KAT2B: variants seen among roughly 807,000 people sequenced by gnomAD.
KAT2B encodes histone acetyltransferase KAT2B.
A neutral mutation model predicts 105.9 loss-of-function variants in KAT2B; 36 were observed. That is an observed-to-expected ratio of 0.34 (90% CI 0.26 to 0.45). KAT2B has a LOEUF of 0.45. Among genes scored for constraint, KAT2B ranks in the 20% least tolerant of loss-of-function variants. The pLI, the probability that KAT2B is intolerant of heterozygous loss-of-function variation, is 1.00. For synonymous variants in KAT2B, 397 were observed against 377.9 expected (o/e 1.05, Z -0.59); for missense variants, 820 against 1,021.6 (o/e 0.80, Z 2.69).
At position 20,152,645 on chromosome 3, in the gene KAT2B, G is replaced by A; in HGVS notation, c.*120G>A. ...AAGAGACTTGTAAATGTAATAATTA[G>A]CACTTTTGAAAAAACAAAAAACCTC... is the stretch of plus-strand genomic sequence containing the variant. On this transcript the variant is annotated 3_prime_UTR_variant, in exon 18 of 18. Transcript: ENST00000263754. 1 of 724,924 alleles carries A rather than the reference G, an allele frequency of 1.4e-6. No individual in the cohort carries two copies. Among genetic ancestry groups the A allele is most frequent in the Non-Finnish European group, 2.1e-6 (1 of 468,148 alleles). The allele number at this position is 724,924 out of a possible 1,614,324, so 44.9% of individuals were successfully genotyped here.
intron 2 of KAT2B, among the ~76,000 whole-genome samples, chr3:20,077,618 GATA>G (rs1423327505): frequency 1.3e-5 from 2 of 152,156 alleles, no homozygotes; most frequent in South Asian, 2.1e-4. Flanking sequence ...ATGTTGAAAT[GATA>G]ATATTTTGAA....
rs984377382 is a variant in KAT2B, at chr3:20,070,999, A to G, written c.304-1334A>G. The stretch of plus-strand genomic sequence containing the variant: ...ACTCCAGCCTGGGCAACACAGAGAG[A>G]CTCTGTATATAAAAAAAAAAAAACC... On this transcript the variant is annotated intron_variant, in intron 1 of 17. Transcript: ENST00000263754. Among the ~76,000 whole-genome samples, 5 of 135,488 alleles carry G rather than the reference A, an allele frequency of 3.7e-5. No individual in the cohort carries two copies. The East Asian group carries it at 1.1e-3, about 29-fold the overall frequency. The allele number at this position is 135,488 out of a possible 152,430, so 88.9% of individuals were successfully genotyped here. A position where few individuals can be genotyped will look rare whatever the true frequency, so the allele number is the denominator to read the frequency against.
intron 3 of KAT2B, among the ~76,000 whole-genome samples, chr3:20,097,784 C>G (rs886703888): frequency 6.6e-6 from 1 of 152,094 alleles, no homozygotes; most frequent in Non-Finnish European, 1.5e-5. Flanking sequence ...TGATCTCCCC[C>G]CTCGGCCTTC....
chr3:20,142,727 G>A (rs1019037399), intron 13 of KAT2B, among the ~76,000 whole-genome samples: 1 of 145,578 alleles, frequency 6.9e-6, no homozygotes, highest in Admixed American at 6.8e-5. Context: ...GAACTGGGCA[G>A]CCTGGTGATG....
chr3:20,110,949 A>C (rs528041810), intron 5 of KAT2B, among the ~76,000 whole-genome samples: 1 of 152,110 alleles, frequency 6.6e-6, no homozygotes. Flanking sequence ...GTAGAAGCTT[A>C]ATACTTCCTA....
intron 7 of KAT2B, among the ~76,000 whole-genome samples, chr3:20,118,208 TATATATTTACATATGTAAATATGTAA>T (rs1007828850): frequency 3.4e-5 from 5 of 146,798 alleles, no homozygotes; most frequent in South Asian, 4.2e-4. Context: ...TATAATATAC[TATATATTTACATATGTAAATATGTAA>T]ATATATTTAC....
intron 2 of KAT2B, among the ~76,000 whole-genome samples, chr3:20,090,011 GA>G (rs35132602): frequency 0.16 from 22,843 of 144,062 alleles, 2,145 homozygotes; most frequent in Non-Finnish European, 0.21. Context: ...AACAAAACAA[GA>G]AAAAAAAAAA....
At chr3:20,059,141 T>C (rs937110767) in intron 1 of KAT2B, among the ~76,000 whole-genome samples, 3 of 152,012 alleles carry the variant, frequency 2.0e-5, no homozygotes, top group Non-Finnish European at 4.4e-5. Flanking sequence ...TTGCTGGGCA[T>C]GTGGCTCACA....
intron 9 of KAT2B, among the ~76,000 whole-genome samples, chr3:20,125,094 G>A (rs920094632): frequency 8.5e-5 from 13 of 152,104 alleles, no homozygotes; most frequent in Non-Finnish European, 1.5e-4. Context: ...AGGCCGAGGC[G>A]GGCAGATCAC....
chr3:20,146,510 T>A, intron 14 of KAT2B, 80 bp downstream of exon 14: 2 of 792,734 alleles, frequency 2.5e-6, no homozygotes, highest in Non-Finnish European at 4.4e-6. Flanking sequence ...CAGAATGCAG[T>A]AACTTCGAAA....
intron 2 of KAT2B, among the ~76,000 whole-genome samples, chr3:20,082,289 C>A (rs1040208838): frequency 6.6e-6 from 1 of 152,156 alleles, no homozygotes; most frequent in African/African-American, 2.4e-5. Flanking sequence ...CCCTCCTCAG[C>A]CTCCCAGAGT....
At chr3:20,121,642 C>A (rs1358553272) in intron 8 of KAT2B, among the ~76,000 whole-genome samples, 1 of 151,420 alleles carries the variant, frequency 6.6e-6, no homozygotes, top group Non-Finnish European at 1.5e-5. Context: ...AAATTAAATC[C>A]ATAAATTTGT....
At chr3:20,062,381 T>C (rs1698150537) in intron 1 of KAT2B, among the ~76,000 whole-genome samples, 2 of 116,306 alleles carry the variant, frequency 1.7e-5, no homozygotes, top group Non-Finnish European at 3.4e-5. Context: ...TAATATATTA[T>C]ATATAACATA....
intron 2 of KAT2B, among the ~76,000 whole-genome samples, chr3:20,081,830 C>G (rs1015234128): frequency 1.1e-4 from 17 of 148,086 alleles, no homozygotes; most frequent in African/African-American, 4.4e-4. Flanking sequence ...AATCCTTTCC[C>G]TAGATTTACC....
chr3:20,129,461 G>A (rs577326490), intron 11 of KAT2B, among the ~76,000 whole-genome samples: 1 of 146,046 alleles, frequency 6.8e-6, no homozygotes, highest in South Asian at 2.3e-4. Flanking sequence ...TGCAACCACC[G>A]CCTCATGGGT....
intron 7 of KAT2B, among the ~76,000 whole-genome samples, chr3:20,116,438 T>A (rs1699208376): frequency 6.6e-6 from 1 of 152,160 alleles, no homozygotes. Context: ...CACAATGGAA[T>A]CACCCATGGA....
At chr3:20,143,186 A>T (rs931198023) in intron 13 of KAT2B, among the ~76,000 whole-genome samples, 5 of 152,194 alleles carry the variant, frequency 3.3e-5, no homozygotes, top group South Asian at 2.1e-4. Context: ...CAGGAGAAGA[A>T]GATGAGGACA....
intron 2 of KAT2B, among the ~76,000 whole-genome samples, chr3:20,085,595 C>A (rs1366050296): frequency 1.3e-5 from 2 of 151,490 alleles, no homozygotes; most frequent in Non-Finnish European, 2.9e-5. Flanking sequence ...ACTGCAGCCT[C>A]CACCTCCTGG....
chr3:20,122,064 A>G (rs13072623), intron 8 of KAT2B, among the ~76,000 whole-genome samples: 52,443 of 152,016 alleles, frequency 0.34, 10,040 homozygotes, highest in Non-Finnish European at 0.44. Context: ...ACAAGGAGAA[A>G]TAATCAAATC....
Sources: allele counts gnomAD v4.1 joint callset (sites outside exome capture counted in the v4.1 genomes callset), GRCh38; gene constraint gnomAD v4.1.1; transcripts MANE v1.5; gene names NCBI Gene and HGNC (gene_info 2026-07-23, HGNC 2026-07-21).